GOLM2: variants seen among roughly 807,000 people sequenced by gnomAD.
The protein encoded by GOLM2 is golgi membrane protein 2.
A neutral mutation model predicts 55.9 loss-of-function variants in GOLM2; 26 were observed. That is an observed-to-expected ratio of 0.47 (90% CI 0.34 to 0.65). The LOEUF is 0.65. GOLM2 is among the 30% of genes least tolerant of loss of function. GOLM2 has a pLI of 0.01. For synonymous variants in GOLM2, 165 were observed against 194.6 expected (o/e 0.85, Z 1.27); for missense variants, 486 against 531.8 (o/e 0.91, Z 0.85).
intron 4 of GOLM2, 60 bp from the exon 5 acceptor site, chr15:44,337,703 T>A (rs2079066210): frequency 1.1e-5 from 13 of 1,211,512 alleles, no homozygotes; most frequent in Non-Finnish European, 1.5e-5. Context: ...TAATTAATAG[T>A]TGTGTCGGTG....
chr15:44,392,701 A>G (rs931421168), intron 8 of GOLM2, among the ~76,000 whole-genome samples: 1 of 152,166 alleles, frequency 6.6e-6, no homozygotes, highest in Admixed American at 6.6e-5. Context: ...CATGATGACC[A>G]TGTTGGATTT....
chr15:44,384,987 G>T (rs895357070), intron 8 of GOLM2, among the ~76,000 whole-genome samples: 1 of 150,938 alleles, frequency 6.6e-6, no homozygotes, highest in Non-Finnish European at 1.5e-5. Context: ...TCTGAAGTTC[G>T]ACCATGCTGT....
chr15:44,414,706 A>G lies in GOLM2; in HGVS notation c.*1300A>G, dbSNP rs1490767125. 6.6e-6 allele frequency: 1 copy of G among 152,468 alleles called. No homozygotes were observed. Among genetic ancestry groups the G allele is most frequent in the Non-Finnish European group, 1.5e-5 (1 of 68,036 alleles). The allele number at this position is 152,468 out of a possible 1,614,324, so 9.4% of individuals were successfully genotyped here. Reference sequence around the variant, plus strand: ...TTTTATTAATGCACAGATAAATAGAAGTACAGTGAGGTCTATAGCCATTTT... The same window carrying G: ...TTTTATTAATGCACAGATAAATAGAGGTACAGTGAGGTCTATAGCCATTTT... On this transcript the variant is annotated 3_prime_UTR_variant, in exon 10 of 10. Transcript: ENST00000299957.
intron 1 of GOLM2, among the ~76,000 whole-genome samples, chr15:44,306,624 A>G (rs534819356): frequency 3.3e-5 from 5 of 152,314 alleles, no homozygotes; most frequent in African/African-American, 7.2e-5. Flanking sequence ...TGGCCTGTCT[A>G]TGTTCTTGAC....
intron 6 of GOLM2, chr15:44,346,208 T>C: frequency 6.6e-6 from 1 of 152,132 alleles, no homozygotes; most frequent in Middle Eastern, 3.4e-3. Context: ...TGGCCAGGCT[T>C]TTAGTTTTTA....
chr15:44,404,744 C>T (rs769879971), intron 9 of GOLM2, among the ~76,000 whole-genome samples: 3 of 151,808 alleles, frequency 2.0e-5, no homozygotes, highest in Non-Finnish European at 4.4e-5. Context: ...TACCTTTATA[C>T]CCACCCCCCA....
At chr15:44,293,847 G>T (rs1394210214) in intron 1 of GOLM2, among the ~76,000 whole-genome samples, 1 of 152,146 alleles carries the variant, frequency 6.6e-6, no homozygotes, top group Non-Finnish European at 1.5e-5. Context: ...TAATGAGTGG[G>T]TAGTTATGTT....
In GOLM2 at chr15:44,413,512, A is replaced by G. The variant is rs1394118816; in HGVS notation, c.*106A>G. On this transcript the variant is annotated 3_prime_UTR_variant, in exon 10 of 10. Coordinates refer to ENST00000299957, the MANE Select transcript of GOLM2 (RefSeq NM_138423.4). ...AAGACGAATTGTATCAGTTGTAAAG[A>G]TACATTGAGATAGAATTAAGGAAAA... is the stretch of plus-strand genomic sequence containing the variant. The G allele has an allele frequency of 3.2e-5, 25 of 773,908 alleles. No individual in the cohort carries two copies. Among genetic ancestry groups the G allele is most frequent in the Admixed American group, 1.9e-4 (7 of 37,456 alleles). The allele number at this position is 773,908 out of a possible 1,614,324, so 47.9% of individuals were successfully genotyped here.
chr15:44,315,248 T>A (rs1234181924), intron 1 of GOLM2, among the ~76,000 whole-genome samples: 3 of 152,320 alleles, frequency 2.0e-5, no homozygotes, highest in Admixed American at 1.3e-4. Flanking sequence ...AAGAAAAATA[T>A]TTCTGGTGTG....
At chr15:44,379,976 G>T (rs2079391365) in intron 7 of GOLM2, among the ~76,000 whole-genome samples, 188 bp downstream of exon 7, 2 of 152,006 alleles carry the variant, frequency 1.3e-5, no homozygotes, top group South Asian at 4.1e-4. Flanking sequence ...TTATCTGGTG[G>T]ATTGTTAGTC....
At chr15:44,339,995 G>A (rs756557994) in intron 6 of GOLM2, among the ~76,000 whole-genome samples, 1 of 151,712 alleles carries the variant, frequency 6.6e-6, no homozygotes, top group East Asian at 2.0e-4. Context: ...AATTTTTATA[G>A]TTTTTTTGTA....
At chr15:44,383,849 A>T (rs953060584) in intron 8 of GOLM2, among the ~76,000 whole-genome samples, 1 of 151,578 alleles carries the variant, frequency 6.6e-6, no homozygotes. Context: ...GCTAATTTTT[A>T]AAATTTTTAA....
At chr15:44,353,104 C>T (rs574530861) in intron 6 of GOLM2, among the ~76,000 whole-genome samples, 4 of 152,126 alleles carry the variant, frequency 2.6e-5, no homozygotes, top group African/African-American at 4.8e-5. Context: ...CAAAAGAAGA[C>T]GTACAAATGG....
At chr15:44,402,156 A>T (rs906905355) in intron 8 of GOLM2, among the ~76,000 whole-genome samples, 1 of 149,784 alleles carries the variant, frequency 6.7e-6, no homozygotes, top group Non-Finnish European at 1.5e-5. Context: ...AATGGTTATG[A>T]ATGTGTATAA....
intron 1 of GOLM2, among the ~76,000 whole-genome samples, chr15:44,310,084 A>G (rs1020297413): frequency 2.6e-5 from 4 of 152,038 alleles, no homozygotes; most frequent in African/African-American, 7.2e-5. Context: ...GGGTTTTGCA[A>G]TGTTGGCCAA....
At chr15:44,404,371 A>G (rs1411710756) in intron 9 of GOLM2, among the ~76,000 whole-genome samples, 8 of 152,178 alleles carry the variant, frequency 5.3e-5, no homozygotes, top group African/African-American at 1.9e-4. Flanking sequence ...CACTGTTTTC[A>G]TAGTTCATTT....
At chr15:44,313,423 C>T (rs1366333441) in intron 1 of GOLM2, among the ~76,000 whole-genome samples, 1 of 152,140 alleles carries the variant, frequency 6.6e-6, no homozygotes, top group Non-Finnish European at 1.5e-5. Context: ...CAGTTTACTT[C>T]TTAGTCTCCT....
chr15:44,292,523 C>A (rs1327684807), intron 1 of GOLM2, among the ~76,000 whole-genome samples: 1 of 151,962 alleles, frequency 6.6e-6, no homozygotes, highest in African/African-American at 2.4e-5. Context: ...AAAGTTTTTT[C>A]TTTTTTTAGT....
chr15:44,361,869 G>T (rs2079242758), intron 6 of GOLM2, among the ~76,000 whole-genome samples: 1 of 151,956 alleles, frequency 6.6e-6, no homozygotes, highest in Admixed American at 6.6e-5. Context: ...TTCATCCCTG[G>T]GATGCAAGGC....
Sources: gnomAD v4.1 joint callset for allele counts (sites outside exome capture counted in the v4.1 genomes callset) on GRCh38, gnomAD v4.1.1 for gene constraint, MANE v1.5 for transcripts, NCBI Gene and HGNC (gene_info 2026-07-23, HGNC 2026-07-21) for gene names.